ENTREP2: variants seen among roughly 807,000 people sequenced by gnomAD.
The protein encoded by ENTREP2 is protein ENTREP2.
chr15:29,319,066 A>C, the ENTREP2 span, among the ~76,000 whole-genome samples: 1 of 152,170 alleles, frequency 6.6e-6, no homozygotes, highest in Admixed American at 6.5e-5. Flanking sequence ...AGAACATCTC[A>C]TTTTGCCATC....
chr15:29,275,424 G>A, the ENTREP2 span, among the ~76,000 whole-genome samples: 2 of 152,340 alleles, frequency 1.3e-5, no homozygotes, highest in Middle Eastern at 3.4e-3. Flanking sequence ...TACATTCAGT[G>A]TGATTCGAAT....
At chr15:29,363,692 AAG>A in the ENTREP2 span, among the ~76,000 whole-genome samples, 2 of 152,194 alleles carry the variant, frequency 1.3e-5, no homozygotes, top group East Asian at 3.9e-4. Context: ...AAACAAAAAT[AAG>A]AGAATCCAAC....
the ENTREP2 span, among the ~76,000 whole-genome samples, chr15:29,425,739 T>C: frequency 6.6e-6 from 1 of 152,242 alleles, no homozygotes; most frequent in South Asian, 2.1e-4. Flanking sequence ...ATCAATTTTC[T>C]AACCAAAATT....
chr15:29,598,987 C>T, the ENTREP2 span, among the ~76,000 whole-genome samples: 35,748 of 152,204 alleles, frequency 0.23, 4,501 homozygotes, highest in South Asian at 0.32. Flanking sequence ...TGAGCCACGG[C>T]GCCTGGCCAA....
At chr15:29,360,388 A>AG in the ENTREP2 span, among the ~76,000 whole-genome samples, 1 of 152,276 alleles carries the variant, frequency 6.6e-6, no homozygotes, top group South Asian at 2.1e-4. Context: ...CCATTAGGAA[A>AG]GGGGGGCATT....
the ENTREP2 span, among the ~76,000 whole-genome samples, chr15:29,324,821 A>G: frequency 4.2e-4 from 64 of 152,342 alleles, 1 homozygote; most frequent in African/African-American, 1.5e-3. Flanking sequence ...GAAGACTTCA[A>G]CATTTTCTTC....
the ENTREP2 span, among the ~76,000 whole-genome samples, chr15:29,383,876 C>T: frequency 6.6e-6 from 1 of 152,216 alleles, no homozygotes; most frequent in Non-Finnish European, 1.5e-5. Flanking sequence ...CTCACAAGTC[C>T]TCCAAACACA....
At chr15:29,586,328 A>G in the ENTREP2 span, among the ~76,000 whole-genome samples, 1 of 152,182 alleles carries the variant, frequency 6.6e-6, no homozygotes, top group Admixed American at 6.5e-5. Flanking sequence ...GGGAATCTCT[A>G]CTAATGGGTA....
chr15:29,653,332 T>G, the ENTREP2 span, among the ~76,000 whole-genome samples: 1 of 152,222 alleles, frequency 6.6e-6, no homozygotes, highest in South Asian at 2.1e-4. Context: ...GTTTCTTGCT[T>G]CTGTCTCTAA....
the ENTREP2 span, among the ~76,000 whole-genome samples, chr15:29,577,453 A>G: frequency 1.8e-4 from 27 of 151,924 alleles, no homozygotes; most frequent in Non-Finnish European, 3.8e-4. Flanking sequence ...TCCCAGACTC[A>G]GGCAATCCTC....
the ENTREP2 span, among the ~76,000 whole-genome samples, chr15:29,197,517 C>T: frequency 6.6e-6 from 1 of 152,136 alleles, no homozygotes; most frequent in Admixed American, 6.5e-5. Flanking sequence ...CCTGTAATCC[C>T]AGCACTTTGG....
At chr15:29,156,330 G>A in the ENTREP2 span, among the ~76,000 whole-genome samples, 1 of 151,982 alleles carries the variant, frequency 6.6e-6, no homozygotes, top group Non-Finnish European at 1.5e-5. Flanking sequence ...GTCTACAGGT[G>A]CCCGCCACCA....
the ENTREP2 span, chr15:29,234,997 T>A: frequency 7.3e-7 from 1 of 1,368,422 alleles, no homozygotes; most frequent in Non-Finnish European, 1.0e-6. Flanking sequence ...CATGCACATT[T>A]AGGGTTGCTT....
the ENTREP2 span, among the ~76,000 whole-genome samples, chr15:29,497,766 T>G: frequency 6.6e-6 from 1 of 152,172 alleles, no homozygotes; most frequent in Non-Finnish European, 1.5e-5. Flanking sequence ...TTTTTCTAAG[T>G]TCTATTTCAT....
At chr15:29,551,687 C>T in the ENTREP2 span, among the ~76,000 whole-genome samples, 3 of 128,434 alleles carry the variant, frequency 2.3e-5, no homozygotes, top group African/African-American at 8.1e-5. Context: ...TTATCAAATG[C>T]CTATTTAAAA....
At chr15:29,231,885 C>CTTTTTTTTTTTTTTTTTTTTTTTTTTTTT in the ENTREP2 span, among the ~76,000 whole-genome samples, 7 of 129,952 alleles carry the variant, frequency 5.4e-5, 1 homozygote, top group East Asian at 2.5e-4. Flanking sequence ...GTTTTCTTTT[C>CTTTTTTTTTTTTTTTTTTTTTTTTTTTTT]TTTTCTTTCT....
chr15:29,340,320 G>C, the ENTREP2 span, among the ~76,000 whole-genome samples: 1 of 152,140 alleles, frequency 6.6e-6, no homozygotes, highest in African/African-American at 2.4e-5. Flanking sequence ...GGTTTTTGCA[G>C]GAAGAATAGG....
chr15:29,357,857 G>GA, the ENTREP2 span, among the ~76,000 whole-genome samples: 22,453 of 122,988 alleles, frequency 0.18, 3,285 homozygotes, highest in African/African-American at 0.42. Flanking sequence ...GAAAAGAAAA[G>GA]AAAAAAAAAA....
At chr15:29,378,208 C>T in the ENTREP2 span, among the ~76,000 whole-genome samples, 5 of 110,918 alleles carry the variant, frequency 4.5e-5, no homozygotes, top group African/African-American at 6.8e-5. Flanking sequence ...ACTTTAAAAA[C>T]TCTTAAAAAA....
Sources: allele counts gnomAD v4.1 joint callset (sites outside exome capture counted in the v4.1 genomes callset), GRCh38; gene constraint gnomAD v4.1.1; transcripts MANE v1.5; gene names NCBI Gene and HGNC (gene_info 2026-07-23, HGNC 2026-07-21).